FZD3: variants seen among roughly 807,000 people sequenced by gnomAD.
FZD3 encodes the protein frizzled-3.
FZD3 carries 30 observed loss-of-function variants against 60.7 expected under a neutral mutation model. The ratio of observed to expected loss-of-function variants is 0.49; its 90% CI spans 0.37 to 0.67. FZD3 has a LOEUF of 0.67. FZD3 is among the 30% of genes least tolerant of loss of function. The pLI, the probability that FZD3 is intolerant of heterozygous loss-of-function variation, is 0.00. For missense variants in FZD3, 605 were observed against 838.7 expected, an observed-to-expected ratio of 0.72 and a Z score of 3.44; for synonymous variants, 246 against 275.2, an observed-to-expected ratio of 0.89 and a Z score of 1.05.
At chr8:28,562,656 A>G in intron 7 of FZD3, 142 bp from the exon 8 acceptor site, 1 of 628,380 alleles carries the variant, frequency 1.6e-6, no homozygotes, top group Non-Finnish European at 2.9e-6. Context: ...AACGAAGTTA[A>G]GCAATCAAAA....
rs752314489 is a variant in FZD3, at chr8:28,562,878, A to T, written c.1868A>T (p.His623Leu). The part of the protein sequence containing the change: ...SMSRLTDHSR[H>L]SSSHRLNEQS... The stretch of plus-strand genomic sequence containing the variant: ...TCACGACTAACAGATCACTCCAGGC[A>T]TAGTAGTTCTCATCGGCTCAATGAA... The change falls in exon 8 of 8, where the codon CAT becomes CTT. Residue 623 changes from histidine to leucine, a missense_variant. Coordinates refer to ENST00000240093, the MANE Select transcript of FZD3 (RefSeq NM_017412.4). 3 of 1,613,600 alleles carry T rather than the reference A, an allele frequency of 1.9e-6. No individual in the cohort carries two copies. The East Asian group carries it at 6.7e-5, about 36-fold the overall frequency.
At chr8:28,504,558 A>T (rs960488759) in intron 3 of FZD3, among the ~76,000 whole-genome samples, 24 of 152,348 alleles carry the variant, frequency 1.6e-4, no homozygotes, top group African/African-American at 5.8e-4. Context: ...TGGCTCTGCC[A>T]TGTAGTAGGT....
intron 1 of FZD3, among the ~76,000 whole-genome samples, chr8:28,495,400 G>A (rs952327705): frequency 6.6e-6 from 1 of 152,140 alleles, no homozygotes; most frequent in Admixed American, 6.5e-5. Flanking sequence ...ACGGGGAAGT[G>A]TTTAGATACA....
At position 28,573,177 on chromosome 8, in the gene FZD3, A is replaced by T. The variant is rs1404510159; in HGVS notation, c.*10166A>T. 2 of 152,124 alleles carry T rather than the reference A, an allele frequency of 1.3e-5. No individual in the cohort carries two copies. The highest frequency in any genetic ancestry group is 4.8e-5 in the African/African-American group (2 of 41,418). 9.4% of individuals were successfully genotyped at this position (152,124 alleles called of 1,614,324 possible). On this transcript the variant is annotated 3_prime_UTR_variant, in exon 8 of 8. Coordinates refer to ENST00000240093, the MANE Select transcript of FZD3 (RefSeq NM_017412.4). ...CTTCCTTACCTGCCTTCTATCCCCT[A>T]GTCATTCTTATCAATACTTCCAAAA...
chr8:28,505,114 A>G (rs933846517), intron 3 of FZD3: 1 of 154,882 alleles, frequency 6.5e-6, no homozygotes, highest in African/African-American at 2.4e-5. Context: ...TTTCTTTAAT[A>G]GCAAATGACG....
At chr8:28,520,499 AAAC>A in intron 3 of FZD3, 136 bp from the exon 4 acceptor site, 5 of 536,808 alleles carry the variant, frequency 9.3e-6, no homozygotes, top group Non-Finnish European at 1.6e-5. Flanking sequence ...TTGTTTAAAA[AAAC>A]AAAAACTCCC....
At chr8:28,521,688 T>C (rs1422715988) in intron 4 of FZD3, among the ~76,000 whole-genome samples, 1 of 152,234 alleles carries the variant, frequency 6.6e-6, no homozygotes, top group Non-Finnish European at 1.5e-5. Flanking sequence ...TCTTACTACA[T>C]GTATGCATAT....
At chr8:28,497,133 C>T (rs758540125) in intron 1 of FZD3, among the ~76,000 whole-genome samples, 8 of 152,016 alleles carry the variant, frequency 5.3e-5, no homozygotes, top group Non-Finnish European at 1.0e-4. Context: ...AATTTTGAAC[C>T]TAGATGGATT....
intron 3 of FZD3, among the ~76,000 whole-genome samples, chr8:28,510,046 C>A (rs1007257894): frequency 2.0e-5 from 3 of 152,170 alleles, no homozygotes; most frequent in African/African-American, 4.8e-5. Context: ...TACATTTCCA[C>A]CAGTAATACA....
intron 7 of FZD3, among the ~76,000 whole-genome samples, chr8:28,557,141 G>A (rs1458653470): frequency 6.6e-6 from 1 of 151,094 alleles, no homozygotes; most frequent in Non-Finnish European, 1.5e-5. Flanking sequence ...GCCAGGAGGT[G>A]GAGGTTGGAG....
intron 5 of FZD3, among the ~76,000 whole-genome samples, chr8:28,538,858 TTA>T (rs1332663438): frequency 6.7e-6 from 1 of 148,992 alleles, no homozygotes; most frequent in African/African-American, 2.4e-5. Context: ...GTTATATATT[TTA>T]TATATATATA....
At chr8:28,517,897 C>T (rs1180973863) in intron 3 of FZD3, among the ~76,000 whole-genome samples, 1 of 151,750 alleles carries the variant, frequency 6.6e-6, no homozygotes, top group Non-Finnish European at 1.5e-5. Context: ...GTTATATCAC[C>T]CTGTCTCTTG....
At chr8:28,521,099 CA>C (rs984323504) in intron 4 of FZD3, among the ~76,000 whole-genome samples, 39 of 151,976 alleles carry the variant, frequency 2.6e-4, no homozygotes, top group African/African-American at 6.8e-4. Context: ...CCCTTTAAAA[CA>C]TTTTTTTCTG....
At chr8:28,512,921 CT>C (rs1804326876) in intron 3 of FZD3, among the ~76,000 whole-genome samples, 1 of 151,984 alleles carries the variant, frequency 6.6e-6, no homozygotes, top group Non-Finnish European at 1.5e-5. Context: ...GAAAATGAAA[CT>C]TCTTTTACTA....
At chr8:28,498,702 T>C (rs947331996) in intron 1 of FZD3, among the ~76,000 whole-genome samples, 22 of 152,208 alleles carry the variant, frequency 1.4e-4, no homozygotes, top group African/African-American at 4.8e-4. Context: ...CCCTCCTGAA[T>C]AGCTGGGCCT....
chr8:28,506,241 T>C (rs1804137414), intron 3 of FZD3, among the ~76,000 whole-genome samples: 1 of 152,162 alleles, frequency 6.6e-6, no homozygotes, highest in South Asian at 2.1e-4. Flanking sequence ...TGAACCAAAT[T>C]GGCTAGGACG....
intron 3 of FZD3, among the ~76,000 whole-genome samples, chr8:28,520,065 C>G (rs908198738): frequency 2.0e-5 from 3 of 151,746 alleles, no homozygotes; most frequent in Admixed American, 2.0e-4. Context: ...CAAATATTAT[C>G]TGGGCATGGT....
intron 6 of FZD3, among the ~76,000 whole-genome samples, chr8:28,552,984 T>A (rs1335831486): frequency 6.6e-6 from 1 of 152,164 alleles, no homozygotes; most frequent in Non-Finnish European, 1.5e-5. Context: ...TAGAGATGAT[T>A]TAAAGTATAC....
chr8:28,513,053 G>C (rs997109688), intron 3 of FZD3, among the ~76,000 whole-genome samples: 4 of 152,246 alleles, frequency 2.6e-5, no homozygotes, highest in African/African-American at 9.6e-5. Context: ...ATCTAGCAAA[G>C]TGGCCTAAGA....
Sources: gnomAD v4.1 joint callset for allele counts (sites outside exome capture counted in the v4.1 genomes callset) on GRCh38, gnomAD v4.1.1 for gene constraint, MANE v1.5 for transcripts, NCBI Gene and HGNC (gene_info 2026-07-23, HGNC 2026-07-21) for gene names.